SSH2: variants seen among roughly 807,000 people sequenced by gnomAD.
SSH2 encodes the protein protein phosphatase Slingshot homolog 2.
Under a neutral mutation model 135.2 loss-of-function variants are expected in SSH2, and 37 were observed. The ratio of observed to expected loss-of-function variants is 0.27; its 90% CI spans 0.21 to 0.36. SSH2 has a LOEUF of 0.36. SSH2 is among the 10% of genes least tolerant of loss of function. SSH2 has a pLI of 1.00. For synonymous variants in SSH2, 628 were observed against 646.2 expected, an observed-to-expected ratio of 0.97 and a Z score of 0.43; for missense variants, 1,408 against 1,765.3, an observed-to-expected ratio of 0.80 and a Z score of 3.63.
At chr17:29,730,471 T>G (rs1054958550) in intron 3 of SSH2, among the ~76,000 whole-genome samples, 1 of 151,100 alleles carries the variant, frequency 6.6e-6, no homozygotes, top group Non-Finnish European at 1.5e-5. Context: ...GGTCTTACTC[T>G]GTCACCCAGG....
At chr17:29,823,386 G>A (rs979725515) in intron 2 of SSH2, among the ~76,000 whole-genome samples, 1 of 152,096 alleles carries the variant, frequency 6.6e-6, no homozygotes, top group Admixed American at 6.6e-5. Flanking sequence ...CCCACCTCAG[G>A]CTTTGACCCT....
intron 3 of SSH2, among the ~76,000 whole-genome samples, chr17:29,709,015 T>TATATATATATATATATAGAGAGAGAGAG (rs780981175): frequency 2.5e-5 from 2 of 81,586 alleles, no homozygotes; most frequent in African/African-American, 8.2e-5. Flanking sequence ...TATATATATA[T>TATATATATATATATATAGAGAGAGAGAG]AGAGAGAGAG....
chr17:29,650,072 T>C (rs2036529944), intron 13 of SSH2, among the ~76,000 whole-genome samples: 1 of 152,024 alleles, frequency 6.6e-6, no homozygotes, highest in Admixed American at 6.6e-5. Context: ...GGCAAGGAAA[T>C]CCCCAAGGAC....
At chr17:29,705,459 T>A (rs968779585) in intron 3 of SSH2, among the ~76,000 whole-genome samples, 1 of 152,076 alleles carries the variant, frequency 6.6e-6, no homozygotes. Context: ...AGGTGCTGTA[T>A]CAAAAAAAAA....
intron 3 of SSH2, among the ~76,000 whole-genome samples, chr17:29,756,733 C>A (rs564534654): frequency 6.6e-6 from 1 of 152,140 alleles, no homozygotes; most frequent in East Asian, 1.9e-4. Flanking sequence ...TCGCTCATGG[C>A]AACCTCTGCC....
At chr17:29,735,351 T>C (rs1305841832) in intron 3 of SSH2, among the ~76,000 whole-genome samples, 1 of 152,174 alleles carries the variant, frequency 6.6e-6, no homozygotes, top group Non-Finnish European at 1.5e-5. Context: ...GGAAACACAA[T>C]GAATGGGAGT....
intron 3 of SSH2, among the ~76,000 whole-genome samples, chr17:29,789,010 C>T (rs1410095725): frequency 2.0e-5 from 3 of 152,164 alleles, no homozygotes; most frequent in Admixed American, 6.5e-5. Flanking sequence ...TGTTAGTGGA[C>T]AATGGAGAAA....
At chr17:29,761,230 G>A in intron 3 of SSH2, 1 of 1,289,628 alleles carries the variant, frequency 7.8e-7, no homozygotes, top group African/African-American at 1.5e-5. Context: ...GGCTGCAGGT[G>A]CAAGCGAGGG....
At chr17:29,884,692 G>A (rs1382077646) in intron 1 of SSH2, among the ~76,000 whole-genome samples, 3 of 152,112 alleles carry the variant, frequency 2.0e-5, no homozygotes, top group African/African-American at 7.2e-5. Flanking sequence ...CAAGCTCAAA[G>A]TCTTCAAGAG....
intron 3 of SSH2, among the ~76,000 whole-genome samples, chr17:29,778,411 G>A (rs892570760): frequency 2.6e-5 from 4 of 152,102 alleles, no homozygotes; most frequent in Non-Finnish European, 4.4e-5. Flanking sequence ...AGGCTGAGGC[G>A]GGAGGATCAC....
chr17:29,671,991 A>T lies in SSH2; in HGVS notation c.753T>A (p.Asn251Lys). 2 of 1,614,220 alleles carry T rather than the reference A, an allele frequency of 1.2e-6. No individual in the cohort carries two copies. The highest frequency in any genetic ancestry group is 1.7e-6 in the Non-Finnish European group (2 of 1,180,034). Residue 251 changes from asparagine to lysine, a missense_variant, in exon 9 of 16, where the codon AAT becomes AAA. Asn to Lys is a moderately conservative substitution (Grantham distance 94). This residue lies in a region of SSH2 where 222 missense variants were observed against 355.6 expected (regional missense o/e 0.62). Coordinates refer to ENST00000540801, the MANE Select transcript of SSH2 (RefSeq NM_001282129.2). ...GGTGGGACTGTACATCTTGCATTGC[A>T]TTCCATTCATTGACTGAGGATTGAT... ...NSDQSSVNEW[N>K]AMQDVQSHRP...
chr17:29,634,813 A>C (rs2035830016), intron 15 of SSH2, among the ~76,000 whole-genome samples: 2 of 151,924 alleles, frequency 1.3e-5, no homozygotes, highest in Admixed American at 1.3e-4. Flanking sequence ...AGCCTCCCAA[A>C]GTGCTGGGAT....
chr17:29,922,512 A>T (rs940432555), intron 1 of SSH2, among the ~76,000 whole-genome samples: 10 of 152,374 alleles, frequency 6.6e-5, no homozygotes, highest in Non-Finnish European at 1.5e-4. Flanking sequence ...TTTGTAGATT[A>T]TACCTCAAAA....
intron 2 of SSH2, among the ~76,000 whole-genome samples, chr17:29,842,248 G>A (rs1349804181): frequency 6.6e-6 from 1 of 151,954 alleles, no homozygotes; most frequent in African/African-American, 2.4e-5. Context: ...GAGGTCAGGA[G>A]TTCAAGACCA....
At chr17:29,781,678 C>G (rs1429096712) in intron 3 of SSH2, among the ~76,000 whole-genome samples, 1 of 151,696 alleles carries the variant, frequency 6.6e-6, no homozygotes, top group Non-Finnish European at 1.5e-5. Flanking sequence ...CAGGGTTTCA[C>G]TATGTTGGCC....
In SSH2 at chr17:29,629,760, A is replaced by G. The variant is rs931323707; in HGVS notation, c.*1081T>C. ...TACCAAAAATAAAACGTTGCATTCA[A>G]TGGATGTTAAACATATGTAACAATT... is the stretch of plus-strand genomic sequence containing the variant. On this transcript the variant is annotated 3_prime_UTR_variant, in exon 16 of 16. Coordinates refer to ENST00000540801, the MANE Select transcript of SSH2 (RefSeq NM_001282129.2). 3.9e-5 allele frequency: 6 copies of G among 152,598 alleles called. No individual in the cohort carries two copies. The highest frequency in any genetic ancestry group is 1.4e-4 in the African/African-American group (6 of 41,474). The allele number at this position is 152,598 out of a possible 1,614,324, so 9.5% of individuals were successfully genotyped here. A position where few individuals can be genotyped will look rare whatever the true frequency, so the allele number is the denominator to read the frequency against.
At chr17:29,875,982 C>T (rs1193268238) in intron 1 of SSH2, among the ~76,000 whole-genome samples, 1 of 118,510 alleles carries the variant, frequency 8.4e-6, no homozygotes, top group East Asian at 2.2e-4. Context: ...GAAGAGGACA[C>T]CAAAAAAAAA....
intron 1 of SSH2, among the ~76,000 whole-genome samples, chr17:29,923,585 A>T (rs1381776281): frequency 6.6e-6 from 1 of 150,754 alleles, no homozygotes; most frequent in Non-Finnish European, 1.5e-5. Flanking sequence ...GCACCACTAC[A>T]CTCCAGCCTG....
chr17:29,706,612 A>C (rs894808487), intron 3 of SSH2, among the ~76,000 whole-genome samples: 3 of 152,224 alleles, frequency 2.0e-5, no homozygotes, highest in Admixed American at 1.3e-4. Flanking sequence ...AGGAAATGAA[A>C]TTCACACTTT....
Sources: allele counts gnomAD v4.1 joint callset (sites outside exome capture counted in the v4.1 genomes callset), GRCh38; gene constraint gnomAD v4.1.1; regional missense constraint gnomAD v4.1.1; transcripts MANE v1.5; gene names NCBI Gene and HGNC (gene_info 2026-07-23, HGNC 2026-07-21).